DPY19L3: variants seen among roughly 807,000 people sequenced by gnomAD.
DPY19L3 encodes the protein dpy-19 like C-mannosyltransferase 3, also known as protein C-mannosyl-transferase DPY19L3.
Under a neutral mutation model 92.3 loss-of-function variants are expected in DPY19L3, and 51 were observed. The observed-to-expected ratio is 0.55, with a 90% CI of 0.44 to 0.70. The LOEUF (loss-of-function observed/expected upper bound fraction) is 0.70, where lower values mean the gene tolerates loss of function less well. Ranked by LOEUF, DPY19L3 falls within the 30% of genes least tolerant of loss-of-function variation. The probability of loss-of-function intolerance (pLI) is 0.00; values close to 1 mark genes in which losing one functional copy is unlikely to be tolerated. For missense variants in DPY19L3, 706 were observed against 855.9 expected (o/e 0.82, Z 2.18); for synonymous variants, 309 against 315.2 (o/e 0.98, Z 0.21).
chr19:32,477,756 T>A, intron 17 of DPY19L3, 102 bp downstream of exon 17: 1 of 1,476,972 alleles, frequency 6.8e-7, no homozygotes, highest in South Asian at 1.2e-5. Flanking sequence ...CCCTCCAGCA[T>A]TAGGTTAGGA....
intron 6 of DPY19L3, 122 bp downstream of exon 6, chr19:32,437,461 G>C: frequency 8.7e-7 from 1 of 1,151,546 alleles, no homozygotes; most frequent in South Asian, 1.7e-5. Flanking sequence ...GTTTCTCTTT[G>C]GTTTGCCTGG....
At chr19:32,406,643 C>G (rs775817569) in intron 1 of DPY19L3, among the ~76,000 whole-genome samples, 3 of 152,188 alleles carry the variant, frequency 2.0e-5, no homozygotes, top group Non-Finnish European at 4.4e-5. Context: ...CCGCCTCGCC[C>G]GGCTAGCGCT....
intron 3 of DPY19L3, among the ~76,000 whole-genome samples, chr19:32,428,632 A>C (rs984629630): frequency 1.3e-5 from 2 of 152,122 alleles, no homozygotes; most frequent in Non-Finnish European, 2.9e-5. Context: ...TTAAAAAGCT[A>C]ATTTGATGTT....
chr19:32,409,207 T>G (rs1435561951), intron 2 of DPY19L3, among the ~76,000 whole-genome samples: 1 of 152,210 alleles, frequency 6.6e-6, no homozygotes, highest in African/African-American at 2.4e-5. Flanking sequence ...ACTCCCATCC[T>G]GAAACTAACA....
chr19:32,412,988 G>A (rs746371756), intron 3 of DPY19L3: 3 of 151,576 alleles, frequency 2.0e-5, no homozygotes, highest in Admixed American at 1.3e-4. Context: ...ACGTTTCCTT[G>A]TTTTCTTTCT....
Position 32,407,272 on chromosome 19 carries a change from A to G in DPY19L3, c.-37-945A>G, listed in dbSNP as rs7256222. Among the ~76,000 whole-genome samples the G allele has an allele frequency of 6.0e-3, 565 of 93,518 alleles. 36 individuals carry two copies. The highest frequency in any genetic ancestry group is 0.021 in the African/African-American group (524 of 24,568). 61.4% of individuals were successfully genotyped at this position (93,518 alleles called of 152,430 possible). A position where few individuals can be genotyped will look rare whatever the true frequency, so the allele number is the denominator to read the frequency against. On this transcript the variant is annotated intron_variant, in intron 1 of 18. Coordinates refer to ENST00000392250, the MANE Select transcript of DPY19L3 (RefSeq NM_001172774.2). Reference sequence around the variant, plus strand: ...CCAAACCAGGCTCCTGCTCCCCCCCACCCATTACTCCCACCGACGCTCCCT... The same window carrying G: ...CCAAACCAGGCTCCTGCTCCCCCCCGCCCATTACTCCCACCGACGCTCCCT...
chr19:32,421,846 G>A (rs1040840345), intron 3 of DPY19L3, among the ~76,000 whole-genome samples: 1 of 151,934 alleles, frequency 6.6e-6, no homozygotes, highest in Non-Finnish European at 1.5e-5. Context: ...CAGAAGGAGC[G>A]ATCACAGAGA....
rs373066134 is a variant in DPY19L3 at position 32,439,898 on chromosome 19, G to A, written c.843G>A (p.Leu281=). 1.4e-4 allele frequency: 219 copies of A among 1,612,674 alleles called. No individual in the cohort carries two copies. The highest frequency in any genetic ancestry group is 1.7e-4 in the Non-Finnish European group (206 of 1,179,550). ...TCACACTGGACTCCCTGGACATGCT[G>A]CCAGCAGTGAAGGTGAGCTTTGCTT... ...VLFTLDSLDM[L]PAVKATWLYG... The change falls in exon 8 of 19, where the codon CTG becomes CTA. Residue 281 remains leucine, a synonymous_variant. Coordinates refer to ENST00000392250, the MANE Select transcript of DPY19L3 (RefSeq NM_001172774.2).
intron 8 of DPY19L3, among the ~76,000 whole-genome samples, chr19:32,443,664 A>G (rs981784713): frequency 3.3e-5 from 5 of 152,180 alleles, no homozygotes; most frequent in African/African-American, 1.2e-4. Context: ...TTGTTAGATA[A>G]CAGCCTAAAT....
In DPY19L3 at chr19:32,415,998, C is replaced by G. The variant is rs116942479; in HGVS notation, c.237+4626C>G. ...CCAAGCTAAGATCTGCGAGAACATTCTAGGCAGAGGAAACAGCAAGCCAAA... is the reference window on the plus strand; with the variant it reads ...CCAAGCTAAGATCTGCGAGAACATTGTAGGCAGAGGAAACAGCAAGCCAAA... On this transcript the variant is annotated intron_variant, in intron 3 of 18. Transcript: ENST00000392250. Among the ~76,000 whole-genome samples, 42 of 152,274 alleles carry G rather than the reference C, an allele frequency of 2.8e-4. No individual in the cohort carries two copies. In the East Asian group the frequency reaches 4.8e-3, roughly 17 times the overall value.
rs1310797619 is a variant in DPY19L3, at chr19:32,482,136, T to C, written c.2047T>C (p.Phe683Leu). Residue 683 changes from phenylalanine to leucine, a missense_variant, in exon 19 of 19, where the codon TTC becomes CTC. By Grantham distance (22) the Phe-to-Leu change is conservative. Coordinates refer to ENST00000392250, the MANE Select transcript of DPY19L3 (RefSeq NM_001172774.2). ...PDLKPADHPR[F>L]CEEIKRNLPP... is the part of the protein sequence containing the mutation. ...TTTGAAACCTGCAGACCACCCTCGC[T>C]TCTGTGAAGAGATCAAAAGAAACCT... The C allele has an allele frequency of 2.5e-6, 4 of 1,613,912 alleles. No individual in the cohort carries two copies. Among genetic ancestry groups the C allele is most frequent in the Non-Finnish European group, 3.4e-6 (4 of 1,179,860 alleles).
intron 4 of DPY19L3, among the ~76,000 whole-genome samples, chr19:32,434,228 T>C (rs1969063712): frequency 6.6e-6 from 1 of 152,218 alleles, no homozygotes; most frequent in African/African-American, 2.4e-5. Flanking sequence ...GCCTCTGGCA[T>C]GCGTGTTTCC....
intron 3 of DPY19L3, among the ~76,000 whole-genome samples, chr19:32,427,626 G>A (rs1231945460): frequency 6.6e-6 from 1 of 152,194 alleles, no homozygotes; most frequent in Non-Finnish European, 1.5e-5. Flanking sequence ...CCCAGTGGAA[G>A]AACTGTCACT....
At chr19:32,421,627 C>CAA (rs869206912) in intron 3 of DPY19L3, among the ~76,000 whole-genome samples, 11 of 58,768 alleles carry the variant, frequency 1.9e-4, no homozygotes, top group African/African-American at 3.0e-4. Context: ...GACTTCATCT[C>CAA]AAAAAAAAAA....
chr19:32,446,941 C>T (rs185046825), intron 8 of DPY19L3, among the ~76,000 whole-genome samples: 1 of 152,132 alleles, frequency 6.6e-6, no homozygotes, highest in Admixed American at 6.5e-5. Context: ...GAATACTTAC[C>T]AACAGACTAT....
chr19:32,480,714 CTT>C (rs1481565545), intron 18 of DPY19L3, 157 bp downstream of exon 18: 6 of 1,075,718 alleles, frequency 5.6e-6, no homozygotes, highest in Non-Finnish European at 7.8e-6. Context: ...GAAGCCCTCT[CTT>C]GGCACTTTAG....
At chr19:32,425,363 C>A (rs1335463094) in intron 3 of DPY19L3, among the ~76,000 whole-genome samples, 1 of 151,950 alleles carries the variant, frequency 6.6e-6, no homozygotes, top group Admixed American at 6.6e-5. Flanking sequence ...CCAGCCGGGC[C>A]AAAATAGTAA....
chr19:32,447,816 T>TAGATAGATTAGA (rs1555721982), intron 8 of DPY19L3, among the ~76,000 whole-genome samples: 3 of 89,834 alleles, frequency 3.3e-5, no homozygotes, highest in East Asian at 2.8e-4. Flanking sequence ...GATAGATAGA[T>TAGATAGATTAGA]TAGATAGATA....
intron 3 of DPY19L3, among the ~76,000 whole-genome samples, chr19:32,426,745 G>A (rs184973153): frequency 1.7e-4 from 26 of 152,238 alleles, no homozygotes; most frequent in Admixed American, 1.6e-3. Flanking sequence ...CCCAGATCCC[G>A]TGACAGGTAT....
Sources: allele counts gnomAD v4.1 joint callset (sites outside exome capture counted in the v4.1 genomes callset), GRCh38; gene constraint gnomAD v4.1.1; transcripts MANE v1.5; gene names NCBI Gene and HGNC (gene_info 2026-07-23, HGNC 2026-07-21).